The following SPIDR variants were observed in gnomAD, a reference collection of about 807,000 sequenced individuals.
The protein encoded by SPIDR is scaffold protein involved in DNA repair, also known as DNA repair-scaffolding protein.
In SPIDR, 93 loss-of-function variants were observed where a neutral mutation model predicts 104.6. The ratio of observed to expected loss-of-function variants is 0.89; its 90% confidence interval spans 0.75 to 1.06. The LOEUF is 1.06. Ranked by LOEUF, SPIDR falls within the 50% of genes least tolerant of loss-of-function variation. The pLI is 0.00. For synonymous variants in SPIDR, 431 were observed against 416.9 expected, an observed-to-expected ratio of 1.03 and a Z score of -0.41; for missense variants, 1,154 against 1,111.2, an observed-to-expected ratio of 1.04 and a Z score of -0.55.
rs1011338415 is a variant in SPIDR, at chr8:47,576,027, G to A, written c.1098-19784G>A. Among the ~76,000 whole-genome samples the A allele has an allele frequency of 6.7e-5, 10 of 150,264 alleles. No homozygotes were observed. The South Asian group carries it at 8.4e-4, about 13-fold the overall frequency. On this transcript the variant is annotated intron_variant, in intron 8 of 19. Transcript: ENST00000297423. Reference sequence around the variant, plus strand: ...TTGTAGTTAAGTGATAATTTTAAACGATCTGTTATGTGAGAAATACTATTT... The same window carrying A: ...TTGTAGTTAAGTGATAATTTTAAACAATCTGTTATGTGAGAAATACTATTT...
chr8:47,424,716 A>C (rs570443850), intron 7 of SPIDR, among the ~76,000 whole-genome samples: 2 of 152,348 alleles, frequency 1.3e-5, no homozygotes, highest in African/African-American at 4.8e-5. Flanking sequence ...GATGGGCTTC[A>C]GATAAATTAT....
chr8:47,363,447 C>T (rs1273626810), intron 5 of SPIDR, among the ~76,000 whole-genome samples: 3 of 149,414 alleles, frequency 2.0e-5, no homozygotes, highest in Non-Finnish European at 4.5e-5. Context: ...ACCTCTAGAT[C>T]CACCCACCTC....
At chr8:47,525,550 C>T (rs1050633227) in intron 8 of SPIDR, among the ~76,000 whole-genome samples, 5 of 151,912 alleles carry the variant, frequency 3.3e-5, no homozygotes, top group Non-Finnish European at 7.4e-5. Flanking sequence ...CCTGTAATCC[C>T]AGCATTTTGG....
intron 5 of SPIDR, among the ~76,000 whole-genome samples, chr8:47,325,442 G>A (rs2047500198): frequency 6.8e-6 from 1 of 148,134 alleles, no homozygotes. Context: ...GAGCCCACAA[G>A]AGAAATTTGA....
chr8:47,735,005 CAG>C (rs1394208095), intron 19 of SPIDR, among the ~76,000 whole-genome samples: 1 of 152,194 alleles, frequency 6.6e-6, no homozygotes, highest in Non-Finnish European at 1.5e-5. Context: ...GCCTTCCCAG[CAG>C]AGTCTGTGTG....
intron 8 of SPIDR, among the ~76,000 whole-genome samples, chr8:47,591,415 C>G: frequency 6.7e-6 from 1 of 149,444 alleles, no homozygotes. Context: ...CTTTATATCC[C>G]CTTTCCCTCC....
At chr8:47,475,638 T>C (rs577948538) in intron 8 of SPIDR, among the ~76,000 whole-genome samples, 8 of 152,324 alleles carry the variant, frequency 5.3e-5, no homozygotes, top group African/African-American at 1.9e-4. Context: ...AGAAAAATTA[T>C]AATAAAAGGC....
intron 11 of SPIDR, among the ~76,000 whole-genome samples, chr8:47,677,140 ACT>A (rs1451323001): frequency 1.3e-5 from 2 of 151,718 alleles, no homozygotes; most frequent in Non-Finnish European, 2.9e-5. Context: ...TTCCTCAATG[ACT>A]CTCTACTAAG....
chr8:47,417,469 G>A (rs2064563356), intron 7 of SPIDR, among the ~76,000 whole-genome samples: 1 of 151,900 alleles, frequency 6.6e-6, no homozygotes, highest in South Asian at 2.1e-4. Context: ...CTTGTTGATG[G>A]GGTTGTTTTT....
At position 47,279,910 on chromosome 8, in the gene SPIDR, C is replaced by T. The variant is rs1207230562; in HGVS notation, c.82C>T (p.Pro28Ser). 1.2e-6 allele frequency: 2 copies of T among 1,613,854 alleles called. No individual in the cohort carries two copies. The highest frequency in any genetic ancestry group is 4.5e-5 in the East Asian group (2 of 44,882). The change falls in exon 2 of 20, where the codon CCA (proline) becomes TCA (serine). Residue 28 changes from proline (P) to serine (S), a missense_variant. Physicochemically the swap from Pro to Ser is moderately conservative, Grantham distance 74. Coordinates refer to ENST00000297423, the MANE Select transcript of SPIDR (RefSeq NM_001080394.4). ...TECPSFPGER[P>S]LQVRRAGLRT... ...ATGCCCATCCTTTCCAGGAGAAAGA[C>T]CACTGCAGGTCAGAAGAGCAGGTCT...
At chr8:47,637,646 G>A (rs942696595) in intron 10 of SPIDR, among the ~76,000 whole-genome samples, 1 of 152,182 alleles carries the variant, frequency 6.6e-6, no homozygotes, top group African/African-American at 2.4e-5. Context: ...TGTGAGTTAC[G>A]TGTTCTTAGG....
intron 4 of SPIDR, among the ~76,000 whole-genome samples, chr8:47,292,198 A>G (rs1250842033): frequency 6.6e-6 from 1 of 152,232 alleles, no homozygotes; most frequent in African/African-American, 2.4e-5. Context: ...AATGTTTTCA[A>G]AATAAGCTTA....
At chr8:47,708,160 A>G (rs1184365043) in intron 14 of SPIDR, among the ~76,000 whole-genome samples, 1 of 152,194 alleles carries the variant, frequency 6.6e-6, no homozygotes, top group Non-Finnish European at 1.5e-5. Context: ...TTAGCCGGGC[A>G]TGATGGCAGG....
At chr8:47,444,779 G>C (rs2070234440) in intron 8 of SPIDR, among the ~76,000 whole-genome samples, 1 of 152,142 alleles carries the variant, frequency 6.6e-6, no homozygotes, top group African/African-American at 2.4e-5. Flanking sequence ...AGCTGTCTCA[G>C]CTGCTGCCAG....
chr8:47,735,846 C>A lies in SPIDR; in HGVS notation c.*396C>A. 2 of 358,406 alleles carry A rather than the reference C, an allele frequency of 5.6e-6. No homozygotes were observed. The highest frequency in any genetic ancestry group is 5.3e-5 in the South Asian group (2 of 37,758). 22.2% of individuals were successfully genotyped at this position (358,406 alleles called of 1,614,324 possible). Reference sequence around the variant, plus strand: ...ATTTAACATTCCCCCAAAGAATACCCTGCAAAGTGTAAACCTTTGTCCCAT... The same window carrying A: ...ATTTAACATTCCCCCAAAGAATACCATGCAAAGTGTAAACCTTTGTCCCAT... On this transcript the variant is annotated 3_prime_UTR_variant, in exon 20 of 20. Coordinates refer to ENST00000297423, the MANE Select transcript of SPIDR (RefSeq NM_001080394.4).
intron 8 of SPIDR, among the ~76,000 whole-genome samples, chr8:47,499,785 A>T (rs2080072965): frequency 6.6e-6 from 1 of 150,688 alleles, no homozygotes; most frequent in Non-Finnish European, 1.5e-5. Context: ...CTATCCCTCC[A>T]CCCTGCCCCC....
rs2039828352 is a variant in SPIDR, at chr8:47,291,104, G to A, written c.328G>A (p.Asp110Asn). Residue 110 changes from aspartate (D) to asparagine (N), a missense_variant, in exon 4 of 20, where the codon GAT (aspartate) becomes AAT (asparagine). Physicochemically the swap from Asp to Asn is conservative, Grantham distance 23. Transcript: ENST00000297423. Reference sequence around the variant, plus strand: ...GAGCTCCAGTGGAAGTGATTTGTCGGATGAAGATAAGACACTTTCTCAGTT... The same window carrying A: ...GAGCTCCAGTGGAAGTGATTTGTCGAATGAAGATAAGACACTTTCTCAGTT... ...TWSSSGSDLSDEDKTLSQLQR... is the reference protein window; with the variant it reads ...TWSSSGSDLSNEDKTLSQLQR... 6.2e-7 allele frequency: 1 copy of A among 1,613,032 alleles called. No individual in the cohort carries two copies. The highest frequency in any genetic ancestry group is 8.5e-7 in the Non-Finnish European group (1 of 1,179,404).
At chr8:47,461,824 CT>C (rs1202250948) in intron 8 of SPIDR, among the ~76,000 whole-genome samples, 11 of 150,702 alleles carry the variant, frequency 7.3e-5, no homozygotes, top group Non-Finnish European at 1.0e-4. Context: ...TTTCTTGTAT[CT>C]TTTTTTTTAT....
intron 1 of SPIDR, chr8:47,276,813 T>C (rs1340357980): frequency 6.6e-6 from 1 of 152,214 alleles, no homozygotes; most frequent in African/African-American, 2.4e-5. Context: ...GTGGAGGGGA[T>C]TGGAATCCTG....
Sources: gnomAD v4.1 joint callset for allele counts (sites outside exome capture counted in the v4.1 genomes callset) on GRCh38, gnomAD v4.1.1 for gene constraint, MANE v1.5 for transcripts, NCBI Gene and HGNC (gene_info 2026-07-23, HGNC 2026-07-21) for gene names.